PARD3: variants seen among roughly 807,000 people sequenced by gnomAD.
PARD3 encodes the protein par-3 family cell polarity regulator, also known as partitioning defective 3 homolog.
In PARD3, 75 loss-of-function variants were observed where a neutral mutation model predicts 155.4. The observed-to-expected ratio is 0.48, with a 90% confidence interval of 0.40 to 0.58. PARD3 has a LOEUF of 0.58. Ranked by LOEUF, PARD3 falls within the 20% of genes least tolerant of loss-of-function variation. The pLI is 0.00. For missense variants in PARD3, 1,642 were observed against 1,721.7 expected (o/e 0.95, Z 0.82); for synonymous variants, 576 against 610.5 (o/e 0.94, Z 0.83).
At chr10:34,721,195 T>C (rs985759535) in intron 1 of PARD3, among the ~76,000 whole-genome samples, 1 of 152,166 alleles carries the variant, frequency 6.6e-6, no homozygotes, top group Non-Finnish European at 1.5e-5. Context: ...TCTTAAGCAA[T>C]GTTACGCTCC....
chr10:34,803,469 A>G (rs1197128286), intron 1 of PARD3, among the ~76,000 whole-genome samples: 1 of 152,148 alleles, frequency 6.6e-6, no homozygotes, highest in Non-Finnish European at 1.5e-5. Flanking sequence ...CTTAAAACGT[A>G]AAAGACAAAA....
At chr10:34,510,226 C>T (rs963633175) in intron 3 of PARD3, among the ~76,000 whole-genome samples, 4 of 152,152 alleles carry the variant, frequency 2.6e-5, no homozygotes, top group Non-Finnish European at 5.9e-5. Context: ...CTAGGTAGCC[C>T]ACCTGCAGCT....
At chr10:34,251,563 A>T (rs1020338925) in intron 22 of PARD3, among the ~76,000 whole-genome samples, 3 of 152,232 alleles carry the variant, frequency 2.0e-5, no homozygotes, top group African/African-American at 7.2e-5. Context: ...AGCTGGCTTC[A>T]GAGCCTGTGC....
At chr10:34,805,870 G>A (rs1276681532) in intron 1 of PARD3, among the ~76,000 whole-genome samples, 2 of 151,800 alleles carry the variant, frequency 1.3e-5, no homozygotes, top group African/African-American at 2.4e-5. Flanking sequence ...CCAGCTACTC[G>A]GGAGGCTGAG....
intron 1 of PARD3, among the ~76,000 whole-genome samples, chr10:34,749,168 T>C (rs1229127369): frequency 1.3e-5 from 2 of 152,240 alleles, no homozygotes; most frequent in African/African-American, 2.4e-5. Context: ...ATTGTAAATA[T>C]AGCAGTCACA....
intron 23 of PARD3, among the ~76,000 whole-genome samples, chr10:34,124,643 C>G (rs1188714135): frequency 2.6e-5 from 4 of 152,138 alleles, no homozygotes; most frequent in Admixed American, 1.3e-4. Context: ...TGTTGAAAAG[C>G]TTAATTGCTC....
At chr10:34,655,655 G>A (rs1432794190) in intron 2 of PARD3, among the ~76,000 whole-genome samples, 3 of 152,156 alleles carry the variant, frequency 2.0e-5, no homozygotes, top group Non-Finnish European at 4.4e-5. Context: ...GGATGAGAAC[G>A]CTGACGAATA....
chr10:34,592,983 C>G (rs561457538), intron 2 of PARD3, among the ~76,000 whole-genome samples: 5 of 152,252 alleles, frequency 3.3e-5, no homozygotes, highest in Non-Finnish European at 4.4e-5. Context: ...ACTTCTCAGA[C>G]GCTACACATG....
chr10:34,389,106 T>C lies in PARD3; in HGVS notation c.891-4852A>G, dbSNP rs935755805. Reference sequence around the variant, plus strand: ...TCTATTCCTCTTCTAGTCTCCTATATTTTCTTCAAAATTTGAAAAGAAGAA... The same window carrying C: ...TCTATTCCTCTTCTAGTCTCCTATACTTTCTTCAAAATTTGAAAAGAAGAA... On this transcript the variant is annotated intron_variant, in intron 7 of 24. Coordinates refer to ENST00000374788, the MANE Select transcript of PARD3 (RefSeq NM_001184785.2). Among the ~76,000 whole-genome samples the C allele has an allele frequency of 2.6e-5, 4 of 152,058 alleles. No homozygotes were observed. The South Asian group carries it at 8.3e-4, about 32-fold the overall frequency.
intron 22 of PARD3, among the ~76,000 whole-genome samples, chr10:34,244,316 A>G (rs369659672): frequency 6.6e-6 from 1 of 152,232 alleles, no homozygotes; most frequent in Admixed American, 6.5e-5. Flanking sequence ...TTTCTTACTC[A>G]GGAAACATTT....
chr10:34,346,550 CAAAA>C, intron 15 of PARD3: 1 of 1,226,940 alleles, frequency 8.2e-7, no homozygotes, highest in Non-Finnish European at 1.1e-6. Flanking sequence ...ATTTCATCAA[CAAAA>C]AAATAATTTA....
At chr10:34,794,884 C>A (rs966154769) in intron 1 of PARD3, among the ~76,000 whole-genome samples, 1 of 152,354 alleles carries the variant, frequency 6.6e-6, no homozygotes, top group Admixed American at 6.5e-5. Flanking sequence ...GTGATACACA[C>A]GCATATGCGC....
intron 1 of PARD3, among the ~76,000 whole-genome samples, chr10:34,708,513 T>C (rs2094402117): frequency 6.6e-6 from 1 of 152,186 alleles, no homozygotes; most frequent in African/African-American, 2.4e-5. Flanking sequence ...TGAGAAGTGT[T>C]ATAATATCTG....
intron 2 of PARD3, among the ~76,000 whole-genome samples, chr10:34,554,433 G>A (rs994836327): frequency 2.6e-5 from 4 of 152,212 alleles, no homozygotes; most frequent in South Asian, 4.1e-4. Context: ...GATTCTGAAT[G>A]AGGGTAGCTT....
chr10:34,435,530 C>G (rs765371755), intron 5 of PARD3, among the ~76,000 whole-genome samples: 47 of 152,188 alleles, frequency 3.1e-4, no homozygotes, highest in Non-Finnish European at 5.0e-4. Flanking sequence ...AAATGAGACA[C>G]TAATATCTGT....
intron 2 of PARD3, among the ~76,000 whole-genome samples, chr10:34,686,118 A>C (rs2093951243): frequency 6.6e-6 from 1 of 152,188 alleles, no homozygotes; most frequent in African/African-American, 2.4e-5. Flanking sequence ...CTAACACATA[A>C]TTTACTTGAA....
chr10:34,795,513 GA>G (rs1355679973), intron 1 of PARD3, among the ~76,000 whole-genome samples: 3 of 152,064 alleles, frequency 2.0e-5, no homozygotes, highest in African/African-American at 7.2e-5. Context: ...GGGAGGCTGA[GA>G]GGTGGGAGAA....
intron 1 of PARD3, among the ~76,000 whole-genome samples, chr10:34,735,705 A>G (rs986672939): frequency 5.9e-5 from 9 of 152,376 alleles, no homozygotes; most frequent in Admixed American, 5.9e-4. Context: ...GGCCCTTTGC[A>G]GTATAAAAGG....
chr10:34,291,807 G>C (rs773066960), intron 20 of PARD3, among the ~76,000 whole-genome samples: 10 of 152,314 alleles, frequency 6.6e-5, no homozygotes, highest in South Asian at 2.1e-4. Flanking sequence ...AACACTTTGC[G>C]AGGCCAAGGC....
Sources: allele counts gnomAD v4.1 joint callset (sites outside exome capture counted in the v4.1 genomes callset), GRCh38; gene constraint gnomAD v4.1.1; transcripts MANE v1.5; gene names NCBI Gene and HGNC (gene_info 2026-07-23, HGNC 2026-07-21).